Variants in TAF1B observed in about 807,000 individuals in gnomAD.
TAF1B encodes TATA box-binding protein-associated factor RNA polymerase I subunit B.
In TAF1B, 61 loss-of-function variants were observed where a neutral mutation model predicts 83.9. That is an observed-to-expected ratio of 0.73 (90% confidence interval 0.59 to 0.90). TAF1B has a LOEUF of 0.90. TAF1B is among the 40% of genes least tolerant of loss of function. The probability of loss-of-function intolerance (pLI) is 0.00; values close to 1 mark genes in which losing one functional copy is unlikely to be tolerated. For synonymous variants in TAF1B, 221 were observed against 224.6 expected (o/e 0.98, Z 0.14); for missense variants, 625 against 677.0 (o/e 0.92, Z 0.85).
intron 4 of TAF1B, chr2:9,852,060 T>G (rs1663413352): frequency 2.1e-6 from 1 of 471,596 alleles, no homozygotes; most frequent in Admixed American, 2.3e-5. Context: ...CAGAATGCAC[T>G]TTGGACAGCG....
chr2:9,913,773 G>A (rs1215976353), intron 12 of TAF1B: 1 of 152,628 alleles, frequency 6.6e-6, no homozygotes, highest in East Asian at 1.9e-4. Flanking sequence ...TCATTCTGAT[G>A]TGGGCTCATT....
intron 8 of TAF1B, among the ~76,000 whole-genome samples, chr2:9,893,075 C>T (rs759451798): frequency 3.9e-5 from 6 of 152,060 alleles, no homozygotes; most frequent in Non-Finnish European, 7.4e-5. Flanking sequence ...TTTTCACTTA[C>T]ATCTTGGAGA....
chr2:9,858,811 C>A (rs529516903), intron 5 of TAF1B, among the ~76,000 whole-genome samples: 1 of 152,184 alleles, frequency 6.6e-6, no homozygotes. Flanking sequence ...GGATGCAGGG[C>A]GCCATATCCT....
At chr2:9,881,522 C>A (rs939129690) in intron 7 of TAF1B, among the ~76,000 whole-genome samples, 8 of 151,882 alleles carry the variant, frequency 5.3e-5, no homozygotes, top group African/African-American at 1.9e-4. Flanking sequence ...TGCAAGACCC[C>A]CATTTCTCAT....
At chr2:9,893,182 G>T (rs369605) in intron 8 of TAF1B, among the ~76,000 whole-genome samples, 42,462 of 152,038 alleles carry the variant, frequency 0.28, 6,919 homozygotes, top group Middle Eastern at 0.4. Context: ...TGTATCCAGA[G>T]TTAACTGTTG....
At chr2:9,857,418 A>G (rs1018226546) in intron 5 of TAF1B, among the ~76,000 whole-genome samples, 3 of 152,150 alleles carry the variant, frequency 2.0e-5, no homozygotes, top group African/African-American at 7.2e-5. Context: ...AGAGAAAGAG[A>G]GGAATAGGAG....
intron 6 of TAF1B, among the ~76,000 whole-genome samples, chr2:9,875,651 A>C (rs1224637243): frequency 6.6e-6 from 1 of 152,134 alleles, no homozygotes; most frequent in Non-Finnish European, 1.5e-5. Flanking sequence ...TGAGAACAGC[A>C]TGGAAAAAAC....
At chr2:9,845,195 C>T (rs1481068851) in intron 1 of TAF1B, 25 bp from the exon 2 acceptor site, 1 of 1,584,682 alleles carries the variant, frequency 6.3e-7, no homozygotes, top group African/African-American at 1.4e-5. Flanking sequence ...GATGGGAACA[C>T]CTTTTCTGTC....
At chr2:9,923,160 C>G (rs1026884267) in intron 14 of TAF1B, among the ~76,000 whole-genome samples, 2 of 151,072 alleles carry the variant, frequency 1.3e-5, no homozygotes, top group Non-Finnish European at 2.9e-5. Flanking sequence ...ATCACTTGAA[C>G]CCGGGAGGCA....
intron 8 of TAF1B, 111 bp from the exon 9 acceptor site, chr2:9,904,748 C>T: frequency 1.9e-6 from 2 of 1,042,548 alleles, no homozygotes; most frequent in East Asian, 2.6e-5. Flanking sequence ...ACTTCACCAG[C>T]ATCTGTTATT....
chr2:9,862,173 G>A (rs1663793165), intron 5 of TAF1B, among the ~76,000 whole-genome samples: 1 of 152,016 alleles, frequency 6.6e-6, no homozygotes, highest in Non-Finnish European at 1.5e-5. Flanking sequence ...CAAACCAATG[G>A]CAAAGAAGAT....
intron 14 of TAF1B, among the ~76,000 whole-genome samples, chr2:9,926,184 C>T (rs969001462): frequency 1.1e-4 from 16 of 152,042 alleles, no homozygotes; most frequent in Admixed American, 3.9e-4. Flanking sequence ...TAAAGTAAAA[C>T]CATAATACCA....
chr2:9,918,486 T>A (rs1221390968), intron 12 of TAF1B, among the ~76,000 whole-genome samples: 1 of 152,184 alleles, frequency 6.6e-6, no homozygotes, highest in Non-Finnish European at 1.5e-5. Context: ...CATCCTTCCC[T>A]TGGCAAGAAT....
intron 8 of TAF1B, among the ~76,000 whole-genome samples, chr2:9,888,598 G>T (rs954298050): frequency 1.3e-5 from 2 of 151,788 alleles, no homozygotes; most frequent in Admixed American, 6.6e-5. Flanking sequence ...GTACTTTAAA[G>T]ATGTCATTCC....
In TAF1B at chr2:9,933,966, G is replaced by T; in HGVS notation, c.1749G>T (p.Lys583Asn). ...TAAAAAGAAAGAAATCAAGATCCAA[G>T]AAAGTGAGACGACATTGAGAAAATG... ...YSVKRKKSRS[K>N]KVRRH Residue 583 changes from lysine to asparagine, a missense_variant, in exon 15 of 15, where the codon AAG (lysine) becomes AAT (asparagine). Lys to Asn is a moderately conservative substitution (Grantham distance 94). Coordinates refer to ENST00000263663, the MANE Select transcript of TAF1B (RefSeq NM_005680.3). 1 of 1,601,340 alleles carries T rather than the reference G, an allele frequency of 6.2e-7. No individual in the cohort carries two copies. The highest frequency in any genetic ancestry group is 8.5e-7 in the Non-Finnish European group (1 of 1,175,510).
At position 9,868,393 on chromosome 2, in the gene TAF1B, C is replaced by T. The variant is rs11540127; in HGVS notation, c.517C>T (p.Arg173Ter). 1.2e-6 allele frequency: 2 copies of T among 1,613,460 alleles called. No individual in the cohort carries two copies. Among genetic ancestry groups the T allele is most frequent in the African/African-American group, 1.3e-5 (1 of 74,864 alleles). ...GAESQSDIHTRKPFPVSKASQ... is the reference protein window; with the variant it reads ...GAESQSDIHT ...GGAGTCTCAGTCTGACATCCACACTCGAAAACCTTTCCCCGTCAGCAAAGC... is the reference window on the plus strand; with the variant it reads ...GGAGTCTCAGTCTGACATCCACACTTGAAAACCTTTCCCCGTCAGCAAAGC... The change falls in exon 6 of 15, where the codon CGA (arginine) becomes TGA (stop). Residue 173 changes from arginine to a stop codon, truncating the protein, a stop_gained. Transcript: ENST00000263663. LOFTEE classifies it high-confidence loss of function.
At chr2:9,864,891 G>T (rs995128908) in intron 5 of TAF1B, among the ~76,000 whole-genome samples, 1 of 151,982 alleles carries the variant, frequency 6.6e-6, no homozygotes, top group Non-Finnish European at 1.5e-5. Context: ...ATTCAACAAC[G>T]CTTCATGTTA....
intron 5 of TAF1B, among the ~76,000 whole-genome samples, chr2:9,862,136 A>G (rs546538992): frequency 3.3e-5 from 5 of 152,304 alleles, no homozygotes; most frequent in African/African-American, 4.8e-5. Flanking sequence ...CAGAAGATCA[A>G]ACTACTCCGA....
intron 2 of TAF1B, 67 bp downstream of exon 2, chr2:9,845,385 A>G: frequency 7.7e-7 from 1 of 1,297,116 alleles, no homozygotes; most frequent in Middle Eastern, 1.9e-4. Flanking sequence ...CCTGATATGT[A>G]GTCTAAGTCC....
Sources: allele counts gnomAD v4.1 joint callset (sites outside exome capture counted in the v4.1 genomes callset), GRCh38; gene constraint gnomAD v4.1.1; transcripts MANE v1.5; gene names NCBI Gene and HGNC (gene_info 2026-07-23, HGNC 2026-07-21).